The following SH3PXD2A variants were observed in gnomAD, a reference collection of about 807,000 sequenced individuals.
The protein encoded by SH3PXD2A is SH3 and PX domains 2A.
Under a neutral mutation model 115.2 loss-of-function variants are expected in SH3PXD2A, and 32 were observed. The observed-to-expected ratio is 0.28, with a 90% CI of 0.21 to 0.37. The LOEUF (loss-of-function observed/expected upper bound fraction) is 0.37, where lower values mean the gene tolerates loss of function less well. SH3PXD2A is among the 10% of genes least tolerant of loss of function. The probability of loss-of-function intolerance (pLI) is 1.00; values close to 1 mark genes in which losing one functional copy is unlikely to be tolerated. For synonymous variants in SH3PXD2A, 610 were observed against 629.1 expected, an observed-to-expected ratio of 0.97 and a Z score of 0.45; for missense variants, 1,328 against 1,498.7, an observed-to-expected ratio of 0.89 and a Z score of 1.88.
chr10:103,679,206 T>C (rs898839937), intron 6 of SH3PXD2A, among the ~76,000 whole-genome samples: 1 of 152,230 alleles, frequency 6.6e-6, no homozygotes, highest in African/African-American at 2.4e-5. Context: ...AAAACTGCTG[T>C]TTCCTTGCCC....
chr10:103,628,279 C>T (rs1336517614), intron 8 of SH3PXD2A, among the ~76,000 whole-genome samples: 1 of 152,194 alleles, frequency 6.6e-6, no homozygotes, highest in Non-Finnish European at 1.5e-5. Context: ...CAACTAGGTC[C>T]CCACCGCCCC....
At chr10:103,835,300 G>A (rs2039526225) in intron 1 of SH3PXD2A, among the ~76,000 whole-genome samples, 1 of 152,256 alleles carries the variant, frequency 6.6e-6, no homozygotes, top group African/African-American at 2.4e-5. Flanking sequence ...GCTCGCAGGG[G>A]TGGGAGCAGC....
At chr10:103,730,309 T>G in intron 4 of SH3PXD2A, among the ~76,000 whole-genome samples, 1 of 150,858 alleles carries the variant, frequency 6.6e-6, no homozygotes, top group South Asian at 2.1e-4. Context: ...CATCAGTTTC[T>G]AATCCCTGGA....
At chr10:103,846,129 C>T (rs1307147303) in intron 1 of SH3PXD2A, among the ~76,000 whole-genome samples, 1 of 152,258 alleles carries the variant, frequency 6.6e-6, no homozygotes, top group East Asian at 1.9e-4. Flanking sequence ...GAGTCTACCC[C>T]GACCCAGCCA....
chr10:103,716,151 G>A (rs970076315), intron 5 of SH3PXD2A, among the ~76,000 whole-genome samples: 2 of 152,144 alleles, frequency 1.3e-5, no homozygotes, highest in Non-Finnish European at 2.9e-5. Context: ...CTCCCTCAGT[G>A]TCCTAAGCCA....
At chr10:103,650,850 G>A (rs747201677) in intron 8 of SH3PXD2A, among the ~76,000 whole-genome samples, 1 of 152,238 alleles carries the variant, frequency 6.6e-6, no homozygotes. Context: ...TACCTTGCAG[G>A]TAAAGAGACA....
intron 5 of SH3PXD2A, among the ~76,000 whole-genome samples, chr10:103,712,323 ATCTGCGTG>A (rs1473885904): frequency 1.3e-5 from 2 of 152,230 alleles, no homozygotes; most frequent in African/African-American, 4.8e-5. Context: ...GCACGTAGCC[ATCTGCGTG>A]CCCTCTGGAC....
At chr10:103,681,548 T>C (rs2134105949) in intron 6 of SH3PXD2A, among the ~76,000 whole-genome samples, 1 of 152,312 alleles carries the variant, frequency 6.6e-6, no homozygotes, top group East Asian at 1.9e-4. Flanking sequence ...CAGGAGGATC[T>C]GCCTGGCCAA....
Position 103,675,010 on chromosome 10 carries a change from A to C in SH3PXD2A, c.428-6358T>G, listed in dbSNP as rs1033690665. ...AGCTGCTTCTGATGTGGGCAACTCTACAAAAGCTTGTTCCAGGATAAGCAG... is the reference window on the plus strand; with the variant it reads ...AGCTGCTTCTGATGTGGGCAACTCTCCAAAAGCTTGTTCCAGGATAAGCAG... On this transcript the variant is annotated intron_variant, in intron 6 of 14. Transcript: ENST00000369774. Among the ~76,000 whole-genome samples, 108 of 152,184 alleles carry C rather than the reference A, an allele frequency of 7.1e-4. 1 individual carries two copies. Among genetic ancestry groups the C allele is most frequent in the Admixed American group, 7.1e-3 (108 of 15,274 alleles).
intron 2 of SH3PXD2A, among the ~76,000 whole-genome samples, chr10:103,787,220 C>T (rs1173791639): frequency 6.6e-6 from 1 of 152,210 alleles, no homozygotes; most frequent in Non-Finnish European, 1.5e-5. Context: ...ATTCTGTCAC[C>T]CATCCAGGGC....
At chr10:103,768,205 A>C (rs1013252769) in intron 2 of SH3PXD2A, among the ~76,000 whole-genome samples, 2 of 152,366 alleles carry the variant, frequency 1.3e-5, no homozygotes, top group African/African-American at 4.8e-5. Context: ...GACAAACAGC[A>C]AACAAGTAAG....
intron 6 of SH3PXD2A, among the ~76,000 whole-genome samples, chr10:103,685,331 CTG>C (rs1340789672): frequency 1.9e-5 from 2 of 104,512 alleles, no homozygotes; most frequent in Non-Finnish European, 3.6e-5. Flanking sequence ...CAGCAAAACT[CTG>C]TCTCAAAAAA....
At chr10:103,680,395 T>C (rs1565705) in intron 6 of SH3PXD2A, among the ~76,000 whole-genome samples, 91,552 of 151,934 alleles carry the variant, frequency 0.6, 27,754 homozygotes, top group African/African-American at 0.62. Flanking sequence ...AATCCTTCTT[T>C]GCCCTCCCGA....
At chr10:103,699,382 C>T (rs913940217) in intron 5 of SH3PXD2A, among the ~76,000 whole-genome samples, 4 of 152,286 alleles carry the variant, frequency 2.6e-5, no homozygotes, top group South Asian at 4.1e-4. Flanking sequence ...TGTCTGTCTG[C>T]GTATCGAGCT....
intron 1 of SH3PXD2A, among the ~76,000 whole-genome samples, chr10:103,835,201 G>A (rs951459654): frequency 2.0e-5 from 3 of 152,334 alleles, no homozygotes; most frequent in Non-Finnish European, 4.4e-5. Context: ...GGTACGAAAG[G>A]CCCAGGCTGG....
rs529223654 is a variant in SH3PXD2A at position 103,733,964 on chromosome 10, C to T, written c.306+1768G>A. 5.3e-5 allele frequency among the ~76,000 whole-genome samples: 8 copies of T among 152,046 alleles called. No homozygotes were observed. The East Asian group carries it at 1.2e-3, about 22-fold the overall frequency. Reference sequence around the variant, plus strand: ...GAGAGATGAGGTCTCGTTATGCTACCCAGGCTGGTCTCAAACTCCTGGCCT... The same window carrying T: ...GAGAGATGAGGTCTCGTTATGCTACTCAGGCTGGTCTCAAACTCCTGGCCT... On this transcript the variant is annotated intron_variant, in intron 4 of 14. Coordinates refer to ENST00000369774, the MANE Select transcript of SH3PXD2A (RefSeq NM_001394015.1).
intron 1 of SH3PXD2A, among the ~76,000 whole-genome samples, chr10:103,826,514 G>C (rs1236512026): frequency 1.3e-5 from 2 of 152,186 alleles, no homozygotes; most frequent in Non-Finnish European, 2.9e-5. Context: ...AGACTCCCCA[G>C]CTCCTGCAGG....
chr10:103,832,063 C>T (rs116771640), intron 1 of SH3PXD2A, among the ~76,000 whole-genome samples: 1 of 152,304 alleles, frequency 6.6e-6, no homozygotes, highest in African/African-American at 2.4e-5. Flanking sequence ...GACACTGCTA[C>T]ACTCTCTCCC....
intron 3 of SH3PXD2A, among the ~76,000 whole-genome samples, chr10:103,742,136 G>A (rs2038450723): frequency 1.3e-5 from 2 of 152,176 alleles, no homozygotes; most frequent in Admixed American, 1.3e-4. Context: ...GTGACATAGT[G>A]AGACTGTCTC....
Sources: allele counts gnomAD v4.1 joint callset (sites outside exome capture counted in the v4.1 genomes callset), GRCh38; gene constraint gnomAD v4.1.1; transcripts MANE v1.5; gene names NCBI Gene and HGNC (gene_info 2026-07-23, HGNC 2026-07-21).